Variants in SIPA1L3 observed in about 807,000 individuals in gnomAD.
SIPA1L3 encodes the protein signal-induced proliferation-associated 1-like protein 3.
A neutral mutation model predicts 150.1 loss-of-function variants in SIPA1L3; 59 were observed. That is an observed-to-expected ratio of 0.39 (90% CI 0.32 to 0.49). The LOEUF (loss-of-function observed/expected upper bound fraction) is 0.49. Ranked by LOEUF, SIPA1L3 falls within the 20% of genes least tolerant of loss-of-function variation. SIPA1L3 has a pLI of 0.86. For missense variants in SIPA1L3, 2,211 were observed against 2,489.5 expected (o/e 0.89, Z 2.38); for synonymous variants, 1,070 against 1,077.6 (o/e 0.99, Z 0.14).
intron 1 of SIPA1L3, among the ~76,000 whole-genome samples, chr19:37,985,643 T>C (rs1967331102): frequency 6.6e-6 from 1 of 152,216 alleles, no homozygotes; most frequent in Admixed American, 6.5e-5. Flanking sequence ...GAGCCAGTCA[T>C]GCACACAGGT....
intron 18 of SIPA1L3, among the ~76,000 whole-genome samples, chr19:38,194,527 G>T (rs1055222672): frequency 5.9e-5 from 9 of 152,212 alleles, no homozygotes; most frequent in East Asian, 1.9e-4. Context: ...GCCACTGCGC[G>T]TGGGGTGCCC....
chr19:38,189,452 C>T (rs1288674735), intron 16 of SIPA1L3, among the ~76,000 whole-genome samples: 2 of 151,908 alleles, frequency 1.3e-5, no homozygotes, highest in East Asian at 2.0e-4. Context: ...GCAATAGTTC[C>T]GTATCAGTGT....
chr19:37,977,451 T>C (rs1967102147), intron 1 of SIPA1L3, among the ~76,000 whole-genome samples: 1 of 152,234 alleles, frequency 6.6e-6, no homozygotes, highest in Admixed American at 6.5e-5. Context: ...ATTACAGGCA[T>C]GGGCCACTTC....
At chr19:38,115,741 C>G (rs1365771345) in intron 8 of SIPA1L3, among the ~76,000 whole-genome samples, 1 of 152,204 alleles carries the variant, frequency 6.6e-6, no homozygotes, top group Non-Finnish European at 1.5e-5. Flanking sequence ...CTCAGAGAGG[C>G]CCTCCCAGAT....
At position 37,921,248 on chromosome 19, in the gene SIPA1L3, G is replaced by A. The variant is rs1004617173; in HGVS notation, c.-379+13890G>A. 9.9e-5 allele frequency among the ~76,000 whole-genome samples: 15 copies of A among 152,276 alleles called. 1 individual carries two copies. Among genetic ancestry groups the A allele is most frequent in the Admixed American group, 2.6e-4 (4 of 15,298 alleles). On this transcript the variant is annotated intron_variant, in intron 1 of 21. Transcript: ENST00000222345. Reference sequence around the variant, plus strand: ...TACGGCCGGCCGGCGTGCGCTCCCCGCTCCCATCACTGCATTTGTGCTTTG... The same window carrying A: ...TACGGCCGGCCGGCGTGCGCTCCCCACTCCCATCACTGCATTTGTGCTTTG...
chr19:38,010,471 G>A (rs912251838), intron 1 of SIPA1L3, among the ~76,000 whole-genome samples: 1 of 151,256 alleles, frequency 6.6e-6, no homozygotes, highest in Non-Finnish European at 1.5e-5. Flanking sequence ...AGCACTTTGG[G>A]AGGCTGAGGC....
At chr19:38,080,813 T>C (rs1969960396) in intron 2 of SIPA1L3, among the ~76,000 whole-genome samples, 1 of 151,710 alleles carries the variant, frequency 6.6e-6, no homozygotes, top group African/African-American at 2.4e-5. Context: ...CTACTAAAAA[T>C]AAGAAAAATT....
At chr19:38,112,796 C>T (rs573465177) in intron 8 of SIPA1L3, among the ~76,000 whole-genome samples, 2 of 152,286 alleles carry the variant, frequency 1.3e-5, no homozygotes, top group Non-Finnish European at 2.9e-5. Context: ...CCTCTCTGGA[C>T]AGACCTGACC....
chr19:38,201,754 G>A, intron 19 of SIPA1L3, 108 bp from the exon 20 acceptor site: 1 of 1,271,584 alleles, frequency 7.9e-7, no homozygotes, highest in Non-Finnish European at 1.1e-6. Flanking sequence ...TCTGTCCCAA[G>A]TGTGATAGGA....
intron 3 of SIPA1L3, among the ~76,000 whole-genome samples, chr19:38,084,880 T>C (rs887788099): frequency 1.7e-4 from 26 of 152,044 alleles, no homozygotes; most frequent in Non-Finnish European, 3.8e-4. Flanking sequence ...CCTCAGGTGA[T>C]CCACCCACCT....
chr19:38,195,955 C>T (rs1972918741), intron 18 of SIPA1L3, among the ~76,000 whole-genome samples: 1 of 152,104 alleles, frequency 6.6e-6, no homozygotes, highest in South Asian at 2.1e-4. Context: ...TCTGTCACTG[C>T]TGTGACCCCA....
At position 38,054,227 on chromosome 19, in the gene SIPA1L3, G is replaced by A. The variant is rs182388686; in HGVS notation, c.-311+25071G>A. On this transcript the variant is annotated intron_variant, in intron 2 of 21. Coordinates refer to ENST00000222345, the MANE Select transcript of SIPA1L3 (RefSeq NM_015073.3). Reference sequence around the variant, plus strand: ...GGCGTAGTGGCACATGCCACAGGGAGGCCACTCCCATGCACAGCAGTTAGG... The same window carrying A: ...GGCGTAGTGGCACATGCCACAGGGAAGCCACTCCCATGCACAGCAGTTAGG... Among the ~76,000 whole-genome samples, 5 of 152,258 alleles carry A rather than the reference G, an allele frequency of 3.3e-5. No homozygotes were observed. The East Asian group carries it at 9.7e-4, about 30-fold the overall frequency.
chr19:37,993,254 G>A (rs1967557058), intron 1 of SIPA1L3, among the ~76,000 whole-genome samples: 1 of 152,166 alleles, frequency 6.6e-6, no homozygotes, highest in Non-Finnish European at 1.5e-5. Context: ...ATCACGAGAT[G>A]ATCTATATGA....
chr19:37,948,556 A>G (rs1464042894), intron 1 of SIPA1L3, among the ~76,000 whole-genome samples: 1 of 152,112 alleles, frequency 6.6e-6, no homozygotes, highest in African/African-American at 2.4e-5. Context: ...TTCCAAAGGT[A>G]GGAAGAAAGT....
chr19:38,110,859 T>C (rs1257621930), intron 8 of SIPA1L3, among the ~76,000 whole-genome samples: 2 of 152,034 alleles, frequency 1.3e-5, no homozygotes, highest in African/African-American at 4.8e-5. Flanking sequence ...GTTGGAGTCG[T>C]GTGCCTGTCC....
At chr19:38,008,408 T>C (rs1968014853) in intron 1 of SIPA1L3, among the ~76,000 whole-genome samples, 2 of 151,634 alleles carry the variant, frequency 1.3e-5, no homozygotes, top group South Asian at 4.2e-4. Context: ...TTTGTATTTT[T>C]AGTAGAGACA....
At chr19:37,922,402 A>G (rs2046464429) in intron 1 of SIPA1L3, among the ~76,000 whole-genome samples, 1 of 148,322 alleles carries the variant, frequency 6.7e-6, no homozygotes, top group Admixed American at 6.7e-5. Flanking sequence ...TTTTTATTTT[A>G]TTTTATTTTG....
At chr19:37,939,843 A>G in intron 1 of SIPA1L3, among the ~76,000 whole-genome samples, 1 of 152,216 alleles carries the variant, frequency 6.6e-6, no homozygotes, top group Non-Finnish European at 1.5e-5. Flanking sequence ...GGCAGCCGGT[A>G]ATGTCACTAG....
chr19:38,091,778 C>T (rs1334338948), intron 4 of SIPA1L3, among the ~76,000 whole-genome samples: 1 of 152,098 alleles, frequency 6.6e-6, no homozygotes, highest in African/African-American at 2.4e-5. Flanking sequence ...ATACAATAGG[C>T]GGGGCGTGGA....
Sources: gnomAD v4.1 joint callset for allele counts (sites outside exome capture counted in the v4.1 genomes callset) on GRCh38, gnomAD v4.1.1 for gene constraint, MANE v1.5 for transcripts, NCBI Gene and HGNC (gene_info 2026-07-23, HGNC 2026-07-21) for gene names.